Variants in C1orf141 observed in about 807,000 individuals in gnomAD.
The protein encoded by C1orf141 is chromosome 1 open reading frame 141.
In C1orf141, 19 loss-of-function variants were observed where a neutral mutation model predicts 23.2. That is an observed-to-expected ratio of 0.82 (90% CI 0.57 to 1.20). The LOEUF (loss-of-function observed/expected upper bound fraction) is 1.20. Among genes scored for constraint, C1orf141 ranks in the 50% most tolerant of loss-of-function variants. The pLI is 0.00. For synonymous variants in C1orf141, 153 were observed against 154.6 expected (o/e 0.99, Z 0.08); for missense variants, 469 against 455.1 (o/e 1.03, Z -0.28).
rs549606498 is a variant in C1orf141, at chr1:67,111,610, A to G, written c.346+3742T>C. 68 of 1,385,488 alleles carry G rather than the reference A, an allele frequency of 4.9e-5. No homozygotes were observed. The South Asian group carries it at 9.9e-4, about 20-fold the overall frequency. 85.8% of individuals were successfully genotyped at this position (1,385,488 alleles called of 1,614,324 possible). ...TATCCTTAAGATAAAGATAGGGTCT[A>G]ATAGATCTTGATTTTAGATGTTCTT... On this transcript the variant is annotated intron_variant, in intron 5 of 7. Coordinates refer to ENST00000684719, the MANE Select transcript of C1orf141 (RefSeq NM_001276351.2).
intron 1 of C1orf141, among the ~76,000 whole-genome samples, chr1:67,132,162 T>A (rs1253388863): frequency 6.6e-6 from 1 of 150,814 alleles, no homozygotes; most frequent in Non-Finnish European, 1.5e-5. Flanking sequence ...CCTCAAGCAA[T>A]CCTCCAGCCT....
Position 67,092,580 on chromosome 1 carries a change from A to T in C1orf141, c.*425T>A, listed in dbSNP as rs948241218. On this transcript the variant is annotated 3_prime_UTR_variant, in exon 8 of 8. Coordinates refer to ENST00000684719, the MANE Select transcript of C1orf141 (RefSeq NM_001276351.2). ...GATGATGATTTGCTGAAATGCTGGT[A>T]TACAATTAACTCCACAGTCATTAAA... is the stretch of plus-strand genomic sequence containing the variant. 1.6e-4 allele frequency: 24 copies of T among 153,908 alleles called. No homozygotes were observed. Among genetic ancestry groups the T allele is most frequent in the African/African-American group, 5.8e-4 (24 of 41,464 alleles). 9.5% of individuals were successfully genotyped at this position (153,908 alleles called of 1,614,324 possible).
chr1:67,095,193 GA>G (rs1198876300), intron 7 of C1orf141, 41 bp downstream of exon 7: 1 of 1,143,350 alleles, frequency 8.7e-7, no homozygotes, highest in Non-Finnish European at 1.3e-6. Flanking sequence ...TAAGTCTTAT[GA>G]CTACACATAT....
upstream of C1orf141, chr1:67,139,134 T>A (rs527501634): frequency 6.6e-6 from 1 of 152,438 alleles, no homozygotes; most frequent in South Asian, 2.1e-4. Context: ...TTAGAGCTAC[T>A]CTAGACCTCT....
intron 5 of C1orf141, among the ~76,000 whole-genome samples, chr1:67,105,861 G>T (rs1057055800): frequency 6.6e-6 from 1 of 152,210 alleles, no homozygotes; most frequent in Admixed American, 6.6e-5. Flanking sequence ...AAACCACGTT[G>T]TTTCTGGCCA....
At chr1:67,096,693 C>G (rs911765874) in intron 5 of C1orf141, among the ~76,000 whole-genome samples, 6 of 152,208 alleles carry the variant, frequency 3.9e-5, no homozygotes, top group African/African-American at 7.2e-5. Flanking sequence ...TCAAACAGAT[C>G]TTGCCATGCG....
chr1:67,133,059 T>C (rs879878004), intron 1 of C1orf141, among the ~76,000 whole-genome samples: 4 of 152,142 alleles, frequency 2.6e-5, no homozygotes, highest in Admixed American at 2.6e-4. Context: ...AGAGACTAAG[T>C]CATATCTAAA....
At chr1:67,106,371 G>T (rs1042929266) in intron 5 of C1orf141, among the ~76,000 whole-genome samples, 14 of 152,172 alleles carry the variant, frequency 9.2e-5, no homozygotes, top group Non-Finnish European at 1.0e-4. Flanking sequence ...GATGGGTCAG[G>T]CACGGCAGCT....
chr1:67,101,217 C>T (rs889204111), intron 5 of C1orf141, among the ~76,000 whole-genome samples: 1 of 152,120 alleles, frequency 6.6e-6, no homozygotes, highest in Admixed American at 6.6e-5. Context: ...GTCCCTGCTC[C>T]TTCAAGTTAG....
chr1:67,125,843 A>T lies in C1orf141; in HGVS notation c.142T>A (p.Leu48Met). The T allele has an allele frequency of 6.2e-7, 1 of 1,613,808 alleles. No individual in the cohort carries two copies. Among genetic ancestry groups the T allele is most frequent in the South Asian group, 1.1e-5 (1 of 91,060 alleles). The change falls in exon 4 of 8, where the codon TTG becomes ATG. Residue 48 changes from leucine (L) to methionine (M), a missense_variant. By Grantham distance (15) the Leu-to-Met change is conservative. Coordinates refer to ENST00000684719, the MANE Select transcript of C1orf141 (RefSeq NM_001276351.2). ...MAIPLTFDFQ[L>M]EFEEALATSA... ...GTAGCAAGAGCTTCTTCAAATTCCA[A>T]CTGAAAATCAAATGTCAGGGGTATA...
chr1:67,114,935 C>CA (rs1436190191), intron 5 of C1orf141, among the ~76,000 whole-genome samples: 1 of 152,228 alleles, frequency 6.6e-6, no homozygotes, highest in Non-Finnish European at 1.5e-5. Context: ...CTCGGCCTCC[C>CA]AAAGTGCTGG....
rs144641658 is a variant in C1orf141, at chr1:67,104,147, A to G, written c.347-7826T>C. Among the ~76,000 whole-genome samples, 9 of 152,294 alleles carry G rather than the reference A, an allele frequency of 5.9e-5. No homozygotes were observed. The East Asian group carries it at 1.5e-3, about 26-fold the overall frequency. ...AAAACAGTAGTAAATAAAATAGAGT[A>G]ATATTACTAAAAAGCAAACCAATCA... On this transcript the variant is annotated intron_variant, in intron 5 of 7. Coordinates refer to ENST00000684719, the MANE Select transcript of C1orf141 (RefSeq NM_001276351.2).
chr1:67,118,317 T>A (rs1411151243), intron 4 of C1orf141, among the ~76,000 whole-genome samples: 1 of 152,150 alleles, frequency 6.6e-6, no homozygotes, highest in East Asian at 1.9e-4. Flanking sequence ...ATATCAGAAT[T>A]GTGAGTCATT....
intron 3 of C1orf141, among the ~76,000 whole-genome samples, chr1:67,126,190 CAGAATTTAAGGAA>C (rs1343119294): frequency 2.6e-5 from 4 of 151,932 alleles, no homozygotes; most frequent in African/African-American, 7.3e-5. Flanking sequence ...TTCTAAAGTA[CAGAATTTAAGGAA>C]AGATCTACAT....
At position 67,093,878 on chromosome 1, in the gene C1orf141, T is replaced by TTTTTTCG. The variant is rs1474968392; in HGVS notation, c.604-275_604-274insCGAAAAA. 24 of 198,498 alleles carry TTTTTTCG rather than the reference T, an allele frequency of 1.2e-4. 1 individual carries two copies. The highest frequency in any genetic ancestry group is 5.3e-4 in the African/African-American group (23 of 43,410). The allele number at this position is 198,498 out of a possible 1,614,324, so 12.3% of individuals were successfully genotyped here. On this transcript the variant is annotated intron_variant, in intron 7 of 7. Transcript: ENST00000684719. ...TGAAATAAATTGGAATACGAAAAAA[T>TTTTTTCG]TAATATATTTGTTAAATATCTGGGG...
chr1:67,126,786 G>A (rs891342419), intron 3 of C1orf141, among the ~76,000 whole-genome samples: 2 of 152,178 alleles, frequency 1.3e-5, no homozygotes, highest in African/African-American at 4.8e-5. Context: ...CTTTGATCTC[G>A]CTAAAGTTAA....
chr1:67,119,959 C>T (rs1345470967), intron 4 of C1orf141, among the ~76,000 whole-genome samples: 1 of 152,198 alleles, frequency 6.6e-6, no homozygotes, highest in East Asian at 1.9e-4. Flanking sequence ...AAGGGTAAGA[C>T]CCCTGCCCAG....
At position 67,102,505 on chromosome 1, in the gene C1orf141, T is replaced by C. The variant is rs1183422066; in HGVS notation, c.347-6184A>G. On this transcript the variant is annotated intron_variant, in intron 5 of 7. Transcript: ENST00000684719. ...CGTTGGGAAAACATTTTTTTTTCAT[T>C]CTTACCAAGGCATAAAAAGCATTTC... 3 of 152,012 alleles carry C rather than the reference T, an allele frequency of 2.0e-5. No homozygotes were observed. The East Asian group carries it at 5.8e-4, about 29-fold the overall frequency. The allele number at this position is 152,012 out of a possible 1,614,324, so 9.4% of individuals were successfully genotyped here.
chr1:67,105,437 G>A (rs1645903636), intron 5 of C1orf141, among the ~76,000 whole-genome samples: 1 of 151,836 alleles, frequency 6.6e-6, no homozygotes, highest in Non-Finnish European at 1.5e-5. Flanking sequence ...CTATGACATG[G>A]CAACAGTAAC....
Sources: allele counts gnomAD v4.1 joint callset (sites outside exome capture counted in the v4.1 genomes callset), GRCh38; gene constraint gnomAD v4.1.1; transcripts MANE v1.5; gene names NCBI Gene and HGNC (gene_info 2026-07-23, HGNC 2026-07-21).